Variants in SLCO3A1 observed in about 807,000 individuals in gnomAD.
SLCO3A1 encodes solute carrier organic anion transporter family member 3A1.
A neutral mutation model predicts 63.1 loss-of-function variants in SLCO3A1; 27 were observed. The observed-to-expected ratio is 0.43, with a 90% CI of 0.32 to 0.59. SLCO3A1 has a LOEUF of 0.59. Ranked by LOEUF, SLCO3A1 falls within the 20% of genes least tolerant of loss-of-function variation. The probability of loss-of-function intolerance (pLI) is 0.09; values close to 1 mark genes in which losing one functional copy is unlikely to be tolerated. For missense variants in SLCO3A1, 773 were observed against 945.8 expected (o/e 0.82, Z 2.40); for synonymous variants, 473 against 409.9 (o/e 1.15, Z -1.86).
rs570942753 is a variant in SLCO3A1, at chr15:91,933,433, T to TA, written c.646+16981dup. Among the ~76,000 whole-genome samples, 788 of 152,330 alleles carry TA rather than the reference T, an allele frequency of 5.2e-3. 5 individuals are homozygous for TA. The highest frequency in any genetic ancestry group is 0.018 in the African/African-American group (747 of 41,570). ...GTTTTTGGATTTTATCTTTCTGTTTTAAAAAATGACCAAATACATTTATAT... is the reference window on the plus strand; with the variant it reads ...GTTTTTGGATTTTATCTTTCTGTTTTAAAAAAATGACCAAATACATTTATAT... On this transcript the variant is annotated intron_variant, in intron 2 of 9. Coordinates refer to ENST00000318445, the MANE Select transcript of SLCO3A1 (RefSeq NM_013272.4).
intron 7 of SLCO3A1, among the ~76,000 whole-genome samples, chr15:92,143,689 T>A (rs1368001087): frequency 6.7e-6 from 1 of 149,746 alleles, no homozygotes; most frequent in Non-Finnish European, 1.5e-5. Context: ...TTTTTGTCAT[T>A]ACTTTTATAG....
chr15:91,975,808 A>G (rs1024682164), intron 2 of SLCO3A1, among the ~76,000 whole-genome samples: 4 of 152,204 alleles, frequency 2.6e-5, no homozygotes, highest in African/African-American at 9.7e-5. Context: ...GGAGCAGCCT[A>G]CTTTCCCTAG....
intron 2 of SLCO3A1, among the ~76,000 whole-genome samples, chr15:91,932,600 AC>A (rs1225073933): frequency 6.6e-6 from 1 of 151,888 alleles, no homozygotes; most frequent in African/African-American, 2.4e-5. Context: ...GTGCCACCAT[AC>A]CCAGCTAATT....
At chr15:92,030,363 C>T (rs758858839) in intron 2 of SLCO3A1, among the ~76,000 whole-genome samples, 13 of 152,192 alleles carry the variant, frequency 8.5e-5, no homozygotes, top group African/African-American at 2.4e-4. Flanking sequence ...TCTTGCTTTG[C>T]GGGGAGCTTC....
In SLCO3A1 at chr15:91,873,912, G is replaced by GT. The variant is rs200890128; in HGVS notation, c.180+19832dup. Among the ~76,000 whole-genome samples the GT allele has an allele frequency of 1.8e-4, 28 of 151,392 alleles. No homozygotes were observed. The East Asian group carries it at 3.3e-3, about 18-fold the overall frequency. On this transcript the variant is annotated intron_variant, in intron 1 of 9. Coordinates refer to ENST00000318445, the MANE Select transcript of SLCO3A1 (RefSeq NM_013272.4). ...TCTATGATTTTGTGTCATTTCCTTTGTTTTTTTTCTTTATTGTGGAAAATT... is the reference window on the plus strand; with the variant it reads ...TCTATGATTTTGTGTCATTTCCTTTGTTTTTTTTTCTTTATTGTGGAAAATT...
In SLCO3A1 at chr15:91,856,462, T is replaced by A. The variant is rs1158928165; in HGVS notation, c.180+2374T>A. Among the ~76,000 whole-genome samples, 1 of 152,186 alleles carries A rather than the reference T, an allele frequency of 6.6e-6. No homozygotes were observed. The highest frequency in any genetic ancestry group is 1.5e-5 in the Non-Finnish European group (1 of 68,008). On this transcript the variant is annotated intron_variant, in intron 1 of 9. Transcript: ENST00000318445. The surrounding 1 kb of genome is among the most constrained non-coding windows in gnomAD (Gnocchi z 4.9). Reference sequence around the variant, plus strand: ...ATGGGCTTTGCTCTTCTGGGCCACTTCAGAGTTTTCTCTTCATCTGTTATT... The same window carrying A: ...ATGGGCTTTGCTCTTCTGGGCCACTACAGAGTTTTCTCTTCATCTGTTATT...
chr15:92,050,374 C>T (rs926061080), intron 2 of SLCO3A1, among the ~76,000 whole-genome samples: 5 of 152,170 alleles, frequency 3.3e-5, no homozygotes, highest in Non-Finnish European at 7.3e-5. Context: ...AACAAACACA[C>T]CTAGGGAACA....
Position 92,055,900 on chromosome 15 carries a change from C to G in SLCO3A1, c.647-38981C>G, listed in dbSNP as rs141338809. Among the ~76,000 whole-genome samples the G allele has an allele frequency of 8.8e-3, 1,346 of 152,288 alleles. 23 individuals carry two copies. Among genetic ancestry groups the G allele is most frequent in the African/African-American group, 0.031 (1,279 of 41,552 alleles). On this transcript the variant is annotated intron_variant, in intron 2 of 9. Coordinates refer to ENST00000318445, the MANE Select transcript of SLCO3A1 (RefSeq NM_013272.4). The stretch of plus-strand genomic sequence containing the variant: ...AGATTCGATTTGTCTTCAGAACACC[C>G]CTTTGTGCTCATATTTATTGCCTTT...
intron 2 of SLCO3A1, among the ~76,000 whole-genome samples, chr15:91,939,063 G>A (rs537632905): frequency 6.6e-6 from 1 of 152,260 alleles, no homozygotes; most frequent in South Asian, 2.1e-4. Flanking sequence ...AGAAATACCT[G>A]AGACTCAGTA....
chr15:92,148,050 C>G (rs1567147017), intron 8 of SLCO3A1, among the ~76,000 whole-genome samples: 2 of 152,160 alleles, frequency 1.3e-5, no homozygotes, highest in African/African-American at 4.8e-5. Context: ...AACCTCTTCT[C>G]TACAAAAAGT....
At chr15:92,080,882 C>T (rs1352524228) in intron 2 of SLCO3A1, among the ~76,000 whole-genome samples, 1 of 149,168 alleles carries the variant, frequency 6.7e-6, no homozygotes, top group African/African-American at 2.5e-5. Flanking sequence ...TGCCCAGATG[C>T]ATTTTTTTTG....
At chr15:91,974,361 G>T (rs552219116) in intron 2 of SLCO3A1, among the ~76,000 whole-genome samples, 1 of 151,862 alleles carries the variant, frequency 6.6e-6, no homozygotes, top group African/African-American at 2.4e-5. Context: ...TTCAGAGACA[G>T]ACTCATGAAT....
At chr15:92,142,428 A>C (rs2048146099) in intron 7 of SLCO3A1, among the ~76,000 whole-genome samples, 1 of 152,130 alleles carries the variant, frequency 6.6e-6, no homozygotes, top group Non-Finnish European at 1.5e-5. Flanking sequence ...CTGTGTCTTC[A>C]TGTGGTGGGA....
At chr15:91,931,924 C>A (rs769285481) in intron 2 of SLCO3A1, among the ~76,000 whole-genome samples, 2 of 152,098 alleles carry the variant, frequency 1.3e-5, no homozygotes, top group Non-Finnish European at 2.9e-5. Flanking sequence ...GACTTTTAGG[C>A]AAGTGATGTG....
chr15:92,016,234 TAGA>T (rs1567067872), intron 2 of SLCO3A1, among the ~76,000 whole-genome samples: 131 of 52,688 alleles, frequency 2.5e-3, no homozygotes, highest in African/African-American at 0.015. Context: ...GATAGATAGA[TAGA>T]TAGATAGATA....
At chr15:91,871,765 G>GTTTTTTTTTTTTTTTTTTTT (rs33938693) in intron 1 of SLCO3A1, among the ~76,000 whole-genome samples, 2 of 45,688 alleles carry the variant, frequency 4.4e-5, no homozygotes, top group African/African-American at 9.1e-5. Context: ...TTTTTTTTTG[G>GTTTTTTTTTTTTTTTTTTTT]TTTTTTTTTT....
At chr15:91,878,853 T>C (rs1479187935) in intron 1 of SLCO3A1, among the ~76,000 whole-genome samples, 3 of 152,212 alleles carry the variant, frequency 2.0e-5, no homozygotes, top group Non-Finnish European at 4.4e-5. Flanking sequence ...GGAGATTTTA[T>C]AATTTTTTTC....
At chr15:91,926,580 T>TGC (rs1899023280) in intron 2 of SLCO3A1, among the ~76,000 whole-genome samples, 1 of 101,426 alleles carries the variant, frequency 9.9e-6, no homozygotes, top group Non-Finnish European at 2.1e-5. Flanking sequence ...TGTGTGTGTG[T>TGC]GTGTGTGTGT....
At chr15:92,166,858 G>C (rs1474630550), downstream of SLCO3A1, among the ~76,000 whole-genome samples, 1 of 152,164 alleles carries the variant, frequency 6.6e-6, no homozygotes, top group African/African-American at 2.4e-5. Flanking sequence ...GCCGCCTGCT[G>C]CTTCCGGTCC....
Sources: gnomAD v4.1 joint callset for allele counts (sites outside exome capture counted in the v4.1 genomes callset) on GRCh38, gnomAD v4.1.1 for gene constraint, Gnocchi (gnomAD v3.1) non-coding constraint, MANE v1.5 for transcripts, NCBI Gene and HGNC (gene_info 2026-07-23, HGNC 2026-07-21) for gene names.